The following CDH1 variants were observed in gnomAD, a reference collection of about 807,000 sequenced individuals.
CDH1 encodes cadherin 1.
A neutral mutation model predicts 84.5 loss-of-function variants in CDH1; 35 were observed. The ratio of observed to expected loss-of-function variants is 0.41; its 90% CI spans 0.32 to 0.55. The LOEUF is 0.55. CDH1 is among the 20% of genes least tolerant of loss of function. CDH1 has a pLI of 0.19. For missense variants in CDH1, 994 were observed against 1,126.6 expected (o/e 0.88, Z 1.68); for synonymous variants, 417 against 439.0 (o/e 0.95, Z 0.63).
intron 10 of CDH1, among the ~76,000 whole-genome samples, chr16:68,818,249 A>C (rs1487738386): frequency 6.6e-6 from 1 of 151,604 alleles, no homozygotes; most frequent in Non-Finnish European, 1.5e-5. Context: ...CAAAAAAAAA[A>C]AAAAAGAAAA....
chr16:68,808,535 G>C lies in CDH1; in HGVS notation c.499G>C (p.Glu167Gln). Reference sequence around the variant, plus strand: ...TCCTCCCATCAGCTGCCCAGAAAATGAAAAAGGCCCATTTCCTAAAAACCT... The same window carrying C: ...TCCTCCCATCAGCTGCCCAGAAAATCAAAAAGGCCCATTTCCTAAAAACCT... Reference protein sequence around the residue: ...VIPPISCPENEKGPFPKNLVQ... With the variant: ...VIPPISCPENQKGPFPKNLVQ... The change falls in exon 4 of 16, where the codon GAA becomes CAA. Residue 167 changes from glutamate (E) to glutamine (Q), a missense_variant. Physicochemically the swap from Glu to Gln is conservative, Grantham distance 29. Coordinates refer to ENST00000261769, the MANE Select transcript of CDH1 (RefSeq NM_004360.5). 1 of 1,614,132 alleles carries C rather than the reference G, an allele frequency of 6.2e-7. No homozygotes were observed. Among genetic ancestry groups the C allele is most frequent in the Non-Finnish European group, 8.5e-7 (1 of 1,180,012 alleles).
Position 68,833,528 on chromosome 16 carries a change from C to A in CDH1, c.*29C>A, listed in dbSNP as rs200188690. ...ACTCGAGAGAGGCGGGCCCCAGACC[C>A]ATGTGCTGGGAAATGCAGAAATCAC... is the stretch of plus-strand genomic sequence containing the variant. On this transcript the variant is annotated 3_prime_UTR_variant, in exon 16 of 16. Transcript: ENST00000261769. 55 of 1,564,676 alleles carry A rather than the reference C, an allele frequency of 3.5e-5. No individual in the cohort carries two copies. Among genetic ancestry groups the A allele is most frequent in the African/African-American group, 9.4e-5 (7 of 74,078 alleles).
intron 3 of CDH1, among the ~76,000 whole-genome samples, chr16:68,807,504 T>TA (rs1441481187): frequency 6.6e-6 from 1 of 150,686 alleles, no homozygotes; most frequent in Admixed American, 6.6e-5. Context: ...ACCCTGCCTC[T>TA]AAAAAAATTT....
chr16:68,808,619 C>G (rs902257813), intron 4 of CDH1, 52 bp downstream of exon 4: 3 of 1,613,046 alleles, frequency 1.9e-6, no homozygotes, highest in Non-Finnish European at 2.5e-6. Flanking sequence ...AGAGAAGTAC[C>G]AAGGAGAGAA....
intron 2 of CDH1, among the ~76,000 whole-genome samples, chr16:68,769,146 A>C (rs1450445029): frequency 6.6e-6 from 1 of 152,072 alleles, no homozygotes; most frequent in African/African-American, 2.4e-5. Flanking sequence ...TGTTTTGTTC[A>C]TTGCTGTACT....
rs577639335 is a variant in CDH1 at position 68,755,067 on chromosome 16, C to T, written c.163+16656C>T. Among the ~76,000 whole-genome samples the T allele has an allele frequency of 4.6e-5, 7 of 151,692 alleles. No homozygotes were observed. The South Asian group carries it at 1.5e-3, about 32-fold the overall frequency. ...AGCCAAGGCAGGTAGATCTCTTGAGCCCAGGAGTTCAAGACCAGCCTGGGC... is the reference window on the plus strand; with the variant it reads ...AGCCAAGGCAGGTAGATCTCTTGAGTCCAGGAGTTCAAGACCAGCCTGGGC... On this transcript the variant is annotated intron_variant, in intron 2 of 15. Coordinates refer to ENST00000261769, the MANE Select transcript of CDH1 (RefSeq NM_004360.5).
At chr16:68,770,390 C>CA (rs1216776788) in intron 2 of CDH1, among the ~76,000 whole-genome samples, 1 of 152,152 alleles carries the variant, frequency 6.6e-6, no homozygotes. Context: ...GCTCAGTCCG[C>CA]AGCACATAGA....
intron 2 of CDH1, among the ~76,000 whole-genome samples, chr16:68,751,840 C>T (rs1962890154): frequency 1.3e-5 from 2 of 151,946 alleles, no homozygotes; most frequent in East Asian, 1.9e-4. Context: ...CTTGCTCTGT[C>T]ACCCAGGCTG....
In CDH1 at chr16:68,755,017, G is replaced by A. The variant is rs183909894; in HGVS notation, c.163+16606G>A. 2.6e-5 allele frequency among the ~76,000 whole-genome samples: 4 copies of A among 152,232 alleles called. No homozygotes were observed. The South Asian group carries it at 6.2e-4, about 24-fold the overall frequency. On this transcript the variant is annotated intron_variant, in intron 2 of 15. Coordinates refer to ENST00000261769, the MANE Select transcript of CDH1 (RefSeq NM_004360.5). The stretch of plus-strand genomic sequence containing the variant: ...TAGAACTGGACTGTGTCAGCTGGGT[G>A]TGGTGGTTTATGACTGTAATCCCAA...
At chr16:68,818,363 T>C (rs1224677032) in intron 10 of CDH1, among the ~76,000 whole-genome samples, 1 of 151,944 alleles carries the variant, frequency 6.6e-6, no homozygotes, top group Non-Finnish European at 1.5e-5. Context: ...ACTTCTGCAA[T>C]TTATTTGCAG....
chr16:68,752,545 G>A (rs8045939), intron 2 of CDH1, among the ~76,000 whole-genome samples: 1,468 of 128,620 alleles, frequency 0.011, 25 homozygotes, highest in African/African-American at 0.038. Context: ...ATTTAATACA[G>A]ACAGGACTAA....
chr16:68,795,604 C>G (rs1367703477), intron 2 of CDH1, among the ~76,000 whole-genome samples: 1 of 152,118 alleles, frequency 6.6e-6, no homozygotes, highest in Non-Finnish European at 1.5e-5. Context: ...GAGCAATTCT[C>G]CTGTCCTGGC....
intron 2 of CDH1, among the ~76,000 whole-genome samples, chr16:68,787,400 C>T (rs1047543955): frequency 3.9e-5 from 6 of 152,200 alleles, no homozygotes; most frequent in Admixed American, 1.3e-4. Context: ...CTACCTGCCT[C>T]ACAGCAACAT....
chr16:68,800,870 G>A (rs887555950), intron 2 of CDH1, among the ~76,000 whole-genome samples: 2 of 152,058 alleles, frequency 1.3e-5, no homozygotes, highest in African/African-American at 2.4e-5. Flanking sequence ...TATTACCACT[G>A]CCTGAAATTT....
At chr16:68,797,082 A>G (rs2152124826) in intron 2 of CDH1, among the ~76,000 whole-genome samples, 1 of 152,110 alleles carries the variant, frequency 6.6e-6, no homozygotes, top group Non-Finnish European at 1.5e-5. Flanking sequence ...TATTCTACAC[A>G]TGTTTAAAAT....
chr16:68,783,807 G>T (rs2152122412), intron 2 of CDH1, among the ~76,000 whole-genome samples: 1 of 152,152 alleles, frequency 6.6e-6, no homozygotes, highest in South Asian at 2.1e-4. Flanking sequence ...CTCCCTTGTA[G>T]CTGGGACTAC....
In CDH1 at chr16:68,764,171, G is replaced by T. The variant is rs371130065; in HGVS notation, c.163+25760G>T. ...TACCCGAAGTTGTAGACAAAGGGGT[G>T]TGTGTGTGATCAGTTCACAGATGTG... On this transcript the variant is annotated intron_variant, in intron 2 of 15. Coordinates refer to ENST00000261769, the MANE Select transcript of CDH1 (RefSeq NM_004360.5). Among the ~76,000 whole-genome samples the T allele has an allele frequency of 7.9e-5, 12 of 152,328 alleles. 1 individual carries two copies. Among genetic ancestry groups the T allele is most frequent in the African/African-American group, 2.4e-4 (10 of 41,588 alleles).
At chr16:68,810,011 G>T (rs1242180523) in intron 5 of CDH1, among the ~76,000 whole-genome samples, 186 bp from the exon 6 acceptor site, 1 of 152,158 alleles carries the variant, frequency 6.6e-6, no homozygotes, top group Non-Finnish European at 1.5e-5. Flanking sequence ...TCCAGCCCAT[G>T]GCTCTTACCT....
intron 5 of CDH1, among the ~76,000 whole-genome samples, chr16:68,809,438 G>A (rs1444506884): frequency 6.6e-6 from 1 of 152,140 alleles, no homozygotes; most frequent in Admixed American, 6.5e-5. Context: ...CTGACCTCAG[G>A]CGATTCACCC....
Sources: gnomAD v4.1 joint callset for allele counts (sites outside exome capture counted in the v4.1 genomes callset) on GRCh38, gnomAD v4.1.1 for gene constraint, MANE v1.5 for transcripts, NCBI Gene and HGNC (gene_info 2026-07-23, HGNC 2026-07-21) for gene names.